MYO9A: variants seen among roughly 807,000 people sequenced by gnomAD.
MYO9A encodes the protein unconventional myosin-IXa.
In MYO9A, 103 loss-of-function variants were observed where a neutral mutation model predicts 293.3. The observed-to-expected ratio is 0.35, with a 90% CI of 0.30 to 0.41. The LOEUF (loss-of-function observed/expected upper bound fraction) is 0.41, where lower values mean the gene tolerates loss of function less well. MYO9A is among the 10% of genes least tolerant of loss of function. MYO9A has a pLI of 1.00. For missense variants in MYO9A, 2,685 were observed against 3,033.0 expected (o/e 0.89, Z 2.69); for synonymous variants, 1,001 against 1,035.7 (o/e 0.97, Z 0.64).
At chr15:71,937,743 A>G (rs935798776) in intron 16 of MYO9A, among the ~76,000 whole-genome samples, 5 of 152,126 alleles carry the variant, frequency 3.3e-5, no homozygotes, top group African/African-American at 9.7e-5. Context: ...AGAAATTAGG[A>G]AACTTAAAAC....
chr15:71,893,302 A>G, intron 26 of MYO9A: 1 of 695,484 alleles, frequency 1.4e-6, no homozygotes, highest in Non-Finnish European at 2.0e-6. Context: ...CCACCCAACC[A>G]TGCCCTTTCC....
intron 33 of MYO9A, among the ~76,000 whole-genome samples, chr15:71,861,134 CATT>C (rs1320146461): frequency 1.3e-5 from 2 of 151,868 alleles, no homozygotes; most frequent in Non-Finnish European, 2.9e-5. Context: ...TTTTCAGACT[CATT>C]ATAATTTTTT....
intron 14 of MYO9A, among the ~76,000 whole-genome samples, chr15:71,952,966 T>C (rs764099653): frequency 7.2e-5 from 11 of 152,134 alleles, no homozygotes; most frequent in Admixed American, 7.2e-4. Context: ...ATCCAGAGAA[T>C]AGGCAGCCAT....
chr15:71,987,986 AAG>A (rs2148271012), intron 11 of MYO9A, among the ~76,000 whole-genome samples: 1 of 152,280 alleles, frequency 6.6e-6, no homozygotes, highest in Admixed American at 6.5e-5. Flanking sequence ...CATAAACTCT[AAG>A]GTTTTTTATT....
chr15:72,077,744 A>T (rs1478412526), intron 1 of MYO9A, among the ~76,000 whole-genome samples: 16 of 41,322 alleles, frequency 3.9e-4, no homozygotes, highest in East Asian at 2.1e-3. Context: ...AAAAAAAAAA[A>T]AAAAAAAAAT....
chr15:71,892,941 T>C, intron 26 of MYO9A: 1 of 1,217,362 alleles, frequency 8.2e-7, no homozygotes, highest in South Asian at 1.4e-5. Context: ...GCTTGCTATT[T>C]TTCTTATATT....
intron 1 of MYO9A, among the ~76,000 whole-genome samples, chr15:72,106,517 GA>G (rs1320120425): frequency 6.6e-6 from 1 of 151,996 alleles, no homozygotes; most frequent in Non-Finnish European, 1.5e-5. Flanking sequence ...AAACATTTAA[GA>G]AAATAAAAAT....
chr15:71,866,850 A>C (rs1208842442), intron 32 of MYO9A, among the ~76,000 whole-genome samples: 2 of 152,136 alleles, frequency 1.3e-5, no homozygotes, highest in East Asian at 3.9e-4. Flanking sequence ...CAAAGTCAGG[A>C]GTTTGAGATC....
At chr15:72,098,632 TA>T (rs1055882497) in intron 1 of MYO9A, among the ~76,000 whole-genome samples, 1 of 151,856 alleles carries the variant, frequency 6.6e-6, no homozygotes, top group African/African-American at 2.4e-5. Context: ...ATTCAGAAGA[TA>T]AAAAAGAATT....
At chr15:71,845,275 G>A (rs1170809645) in intron 39 of MYO9A, among the ~76,000 whole-genome samples, 1 of 147,596 alleles carries the variant, frequency 6.8e-6, no homozygotes, top group African/African-American at 2.7e-5. Flanking sequence ...TGGTTCACCA[G>A]ATAATCAGGG....
chr15:71,909,803 T>C (rs956385928), intron 19 of MYO9A, among the ~76,000 whole-genome samples: 2 of 152,024 alleles, frequency 1.3e-5, no homozygotes, highest in Non-Finnish European at 2.9e-5. Flanking sequence ...TTTTAAACTT[T>C]TAACTGTTCG....
At position 72,077,658 on chromosome 15, in the gene MYO9A, G is replaced by A. The variant is rs1035963999; in HGVS notation, c.-71-31024C>T. 6.7e-5 allele frequency among the ~76,000 whole-genome samples: 10 copies of A among 149,766 alleles called. 1 individual carries two copies. The highest frequency in any genetic ancestry group is 2.1e-4 in the South Asian group (1 of 4,704). ...GTGGCAGGGTGGCGGGGGGCGGCGC[G>A]GGCAGAGGTTGCAGTGAGCCAAGAT... On this transcript the variant is annotated intron_variant, in intron 1 of 41. Coordinates refer to ENST00000356056, the MANE Select transcript of MYO9A (RefSeq NM_006901.4).
upstream of MYO9A, chr15:72,118,266 A>T (rs919168683): frequency 2.0e-5 from 6 of 295,390 alleles, no homozygotes; most frequent in Non-Finnish European, 3.1e-5. Context: ...CCCCTTTCCT[A>T]CGCCCCAGGC....
chr15:72,116,087 G>A (rs2080963844), intron 1 of MYO9A, among the ~76,000 whole-genome samples: 1 of 152,042 alleles, frequency 6.6e-6, no homozygotes, highest in South Asian at 2.1e-4. Context: ...TAAATGTGTA[G>A]GTTTATATAT....
chr15:71,864,170 A>C (rs575654989), intron 32 of MYO9A, among the ~76,000 whole-genome samples: 18 of 152,310 alleles, frequency 1.2e-4, no homozygotes, highest in African/African-American at 3.8e-4. Flanking sequence ...AATGGGCAAA[A>C]TACTGAAGAG....
At chr15:71,967,437 C>G (rs1162522545) in intron 13 of MYO9A, among the ~76,000 whole-genome samples, 1 of 152,112 alleles carries the variant, frequency 6.6e-6, no homozygotes, top group African/African-American at 2.4e-5. Context: ...ACATTTAATT[C>G]CACTATTCTC....
At chr15:71,903,874 G>T in intron 21 of MYO9A, 55 bp downstream of exon 21, 2 of 1,401,396 alleles carry the variant, frequency 1.4e-6, no homozygotes, top group Non-Finnish European at 2.0e-6. Context: ...CAAGATATGT[G>T]GGAATCATTT....
intron 15 of MYO9A, among the ~76,000 whole-genome samples, chr15:71,951,533 T>C (rs570929270): frequency 6.6e-6 from 1 of 152,174 alleles, no homozygotes; most frequent in African/African-American, 2.4e-5. Context: ...CCAGTGACTG[T>C]AACCAAGTAT....
At chr15:71,888,187 GTTACAGAA>G in intron 26 of MYO9A, 71 bp from the exon 27 acceptor site, 1 of 804,176 alleles carries the variant, frequency 1.2e-6, no homozygotes, top group Non-Finnish European at 2.0e-6. Context: ...TTAAATTCAG[GTTACAGAA>G]TTACTTGAGC....
Sources: gnomAD v4.1 joint callset for allele counts (sites outside exome capture counted in the v4.1 genomes callset) on GRCh38, gnomAD v4.1.1 for gene constraint, MANE v1.5 for transcripts, NCBI Gene and HGNC (gene_info 2026-07-23, HGNC 2026-07-21) for gene names.